Variants in SHOC2 observed in about 807,000 individuals in gnomAD.
SHOC2 encodes SHOC2 leucine rich repeat scaffold protein.
In SHOC2, 4 loss-of-function variants were observed where a neutral mutation model predicts 50.2. The observed-to-expected ratio is 0.08, with a 90% confidence interval of 0.04 to 0.18. The LOEUF is 0.18. Ranked by LOEUF, SHOC2 falls within the 10% of genes least tolerant of loss-of-function variation. The pLI, the probability that SHOC2 is intolerant of heterozygous loss-of-function variation, is 1.00. For missense variants in SHOC2, 388 were observed against 669.6 expected (o/e 0.58, Z 4.64); for synonymous variants, 218 against 244.5 (o/e 0.89, Z 1.01).
At chr10:110,948,003 C>CA (rs1444386522) in intron 1 of SHOC2, among the ~76,000 whole-genome samples, 1 of 152,014 alleles carries the variant, frequency 6.6e-6, no homozygotes, top group Non-Finnish European at 1.5e-5. Flanking sequence ...ATTAAGGACA[C>CA]ACATAGGCTG....
At chr10:110,941,620 C>T (rs967134125) in intron 1 of SHOC2, among the ~76,000 whole-genome samples, 10 of 152,084 alleles carry the variant, frequency 6.6e-5, no homozygotes, top group Middle Eastern at 3.2e-3. Flanking sequence ...CTGTGCCTGG[C>T]GTAATGTTGA....
At chr10:110,984,319 A>C (rs533001555) in intron 2 of SHOC2, among the ~76,000 whole-genome samples, 1 of 152,064 alleles carries the variant, frequency 6.6e-6, no homozygotes, top group Admixed American at 6.5e-5. Context: ...ATTGAAGTCC[A>C]TTGCCCATTT....
In SHOC2 at chr10:111,009,297, G is replaced by C. The variant is rs1848525726; in HGVS notation, c.1334G>C (p.Gly445Ala). 1.3e-6 allele frequency: 2 copies of C among 1,596,776 alleles called. No individual in the cohort carries two copies. Among genetic ancestry groups the C allele is most frequent in the East Asian group, 4.5e-5 (2 of 44,614 alleles). Residue 445 changes from glycine (G) to alanine (A), a missense_variant, in exon 7 of 9, where the codon GGA becomes GCA. By Grantham distance (60) the Gly-to-Ala change is moderately conservative (BLOSUM62 0). Coordinates refer to ENST00000369452, the MANE Select transcript of SHOC2 (RefSeq NM_007373.4). ...NLLKKLPHGL[G>A]NLRKLRELDL... ...CTAAAGAAGCTTCCCCATGGTCTTG[G>C]AAACCTTAGGAAGTTAAGAGAGTTG...
chr10:110,938,441 A>T (rs1023603016), intron 1 of SHOC2, among the ~76,000 whole-genome samples: 18 of 152,168 alleles, frequency 1.2e-4, no homozygotes, highest in Non-Finnish European at 2.1e-4. Flanking sequence ...CAGTATTTTT[A>T]AAATCTCAAT....
At chr10:110,919,768 C>T (rs1346256570) in intron 1 of SHOC2, 111 bp downstream of exon 1, 4 of 394,852 alleles carry the variant, frequency 1.0e-5, no homozygotes, top group African/African-American at 2.1e-5. Flanking sequence ...CCCCGTGCGC[C>T]CTGACAGGCG....
At chr10:110,926,913 G>A (rs1477666491) in intron 1 of SHOC2, among the ~76,000 whole-genome samples, 1 of 152,120 alleles carries the variant, frequency 6.6e-6, no homozygotes, top group East Asian at 1.9e-4. Flanking sequence ...ACTGATCAGT[G>A]CAGTATAATA....
intron 2 of SHOC2, among the ~76,000 whole-genome samples, chr10:110,976,363 G>A (rs1394543359): frequency 6.6e-6 from 1 of 150,884 alleles, no homozygotes; most frequent in Non-Finnish European, 1.5e-5. Flanking sequence ...CCAGGCTTGA[G>A]TGCAGTGGTG....
At chr10:110,952,129 C>T (rs982784143) in intron 1 of SHOC2, among the ~76,000 whole-genome samples, 11 of 151,820 alleles carry the variant, frequency 7.2e-5, no homozygotes, top group African/African-American at 2.2e-4. Flanking sequence ...TGCCTTTTTA[C>T]GTTTTGTTTT....
chr10:110,924,129 T>G (rs529598508), intron 1 of SHOC2, among the ~76,000 whole-genome samples: 2 of 152,348 alleles, frequency 1.3e-5, no homozygotes, highest in Non-Finnish European at 2.9e-5. Context: ...TATAAATATT[T>G]CTTAGTAACT....
At chr10:110,929,712 A>G (rs1207107965) in intron 1 of SHOC2, among the ~76,000 whole-genome samples, 1 of 152,188 alleles carries the variant, frequency 6.6e-6, no homozygotes, top group African/African-American at 2.4e-5. Flanking sequence ...TAATCCCATT[A>G]TGAAAACCCC....
At chr10:110,989,709 A>G (rs1433168891) in intron 3 of SHOC2, among the ~76,000 whole-genome samples, 1 of 152,154 alleles carries the variant, frequency 6.6e-6, no homozygotes, top group African/African-American at 2.4e-5. Flanking sequence ...TTTAAGAACT[A>G]TATTTTATTT....
intron 4 of SHOC2, 101 bp downstream of exon 4, chr10:111,000,646 G>A: frequency 1.8e-6 from 2 of 1,089,622 alleles, no homozygotes; most frequent in Non-Finnish European, 2.7e-6. Flanking sequence ...TTTGGTGATT[G>A]AGATTGTTTA....
At chr10:110,948,190 AT>A in intron 1 of SHOC2, among the ~76,000 whole-genome samples, 1 of 152,240 alleles carries the variant, frequency 6.6e-6, no homozygotes, top group Non-Finnish European at 1.5e-5. Context: ...GTAAATATAT[AT>A]ACACTCAACA....
intron 4 of SHOC2, among the ~76,000 whole-genome samples, chr10:111,001,954 G>T (rs1848384278): frequency 1.3e-5 from 2 of 152,210 alleles, no homozygotes; most frequent in South Asian, 4.1e-4. Flanking sequence ...TAGGGGAATG[G>T]CTTGTGGCTT....
chr10:110,959,276 C>A (rs1241510966), intron 1 of SHOC2, among the ~76,000 whole-genome samples: 2 of 152,098 alleles, frequency 1.3e-5, no homozygotes, highest in Non-Finnish European at 2.9e-5. Flanking sequence ...CAGTGATCAT[C>A]AGAAATAACA....
In SHOC2 at chr10:110,929,621, T is replaced by A. The variant is rs959189543; in HGVS notation, c.-235+9964T>A. Among the ~76,000 whole-genome samples the A allele has an allele frequency of 5.3e-5, 8 of 151,986 alleles. No individual in the cohort carries two copies. In the East Asian group the frequency reaches 1.5e-3, roughly 29 times the overall value. ...GTTTCTGTTCAGGGCGAATGAAGAG[T>A]CTCTTACAGGTCTTCCTGCTGTATC... is the stretch of plus-strand genomic sequence containing the variant. On this transcript the variant is annotated intron_variant, in intron 1 of 8. Coordinates refer to ENST00000369452, the MANE Select transcript of SHOC2 (RefSeq NM_007373.4).
At chr10:110,997,829 G>C (rs1000031066) in intron 3 of SHOC2, among the ~76,000 whole-genome samples, 1 of 151,552 alleles carries the variant, frequency 6.6e-6, no homozygotes, top group African/African-American at 2.4e-5. Context: ...AAAATACTTT[G>C]GTTTTTCTAT....
intron 1 of SHOC2, among the ~76,000 whole-genome samples, chr10:110,954,869 T>C (rs1847428383): frequency 1.3e-5 from 2 of 152,000 alleles, no homozygotes; most frequent in African/African-American, 4.8e-5. Context: ...AGGAAAGAAA[T>C]TGATGTTTTC....
chr10:110,981,246 T>A (rs1313243386), intron 2 of SHOC2, among the ~76,000 whole-genome samples: 1 of 152,256 alleles, frequency 6.6e-6, no homozygotes, highest in Non-Finnish European at 1.5e-5. Flanking sequence ...ATTGTAAGTT[T>A]CATGAATACA....
Sources: gnomAD v4.1 joint callset for allele counts (sites outside exome capture counted in the v4.1 genomes callset) on GRCh38, gnomAD v4.1.1 for gene constraint, MANE v1.5 for transcripts, NCBI Gene and HGNC (gene_info 2026-07-23, HGNC 2026-07-21) for gene names.